PTK2: variants seen among roughly 807,000 people sequenced by gnomAD.
PTK2 encodes protein tyrosine kinase 2.
A neutral mutation model predicts 150.1 loss-of-function variants in PTK2; 45 were observed. The observed-to-expected ratio is 0.30, with a 90% CI of 0.24 to 0.38. PTK2 has a LOEUF of 0.38. Ranked by LOEUF, PTK2 falls within the 10% of genes least tolerant of loss-of-function variation. The pLI is 1.00. For synonymous variants in PTK2, 432 were observed against 449.2 expected, an observed-to-expected ratio of 0.96 and a Z score of 0.48; for missense variants, 919 against 1,307.3, an observed-to-expected ratio of 0.70 and a Z score of 4.58.
intron 22 of PTK2, among the ~76,000 whole-genome samples, chr8:140,722,402 A>C (rs1010809267): frequency 2.6e-5 from 4 of 152,068 alleles, no homozygotes; most frequent in African/African-American, 9.7e-5. Context: ...CTACAGGTGC[A>C]TCACCAGGCC....
chr8:140,971,125 C>T, intron 1 of PTK2, among the ~76,000 whole-genome samples: 1 of 152,080 alleles, frequency 6.6e-6, no homozygotes, highest in South Asian at 2.1e-4. Context: ...TGTGGAACTA[C>T]AAATAATATT....
chr8:140,867,397 T>TA (rs985148670), intron 4 of PTK2, among the ~76,000 whole-genome samples: 16 of 152,152 alleles, frequency 1.1e-4, no homozygotes, highest in African/African-American at 3.6e-4. Context: ...TATTTAGAGG[T>TA]AGGCATGGGA....
At chr8:140,834,104 C>G (rs1385112069) in intron 7 of PTK2, among the ~76,000 whole-genome samples, 3 of 152,216 alleles carry the variant, frequency 2.0e-5, no homozygotes, top group African/African-American at 4.8e-5. Context: ...GGGGCAGTCA[C>G]AGAACAGTTC....
intron 1 of PTK2, among the ~76,000 whole-genome samples, chr8:140,937,779 T>TTCCATA (rs1251951852): frequency 6.6e-6 from 1 of 152,152 alleles, no homozygotes; most frequent in Non-Finnish European, 1.5e-5. Flanking sequence ...AATGTAATCT[T>TTCCATA]TCCATATAGA....
chr8:140,791,009 T>C (rs571378169), intron 13 of PTK2, among the ~76,000 whole-genome samples: 1 of 152,374 alleles, frequency 6.6e-6, no homozygotes, highest in Admixed American at 6.5e-5. Flanking sequence ...AGCTCTTATC[T>C]GATCAACAGC....
chr8:140,971,890 C>T (rs2100187391), intron 1 of PTK2, among the ~76,000 whole-genome samples: 1 of 152,176 alleles, frequency 6.6e-6, no homozygotes, highest in African/African-American at 2.4e-5. Context: ...AATTGAGGTG[C>T]TTCCATCTAA....
At chr8:140,736,749 TC>T (rs1279016270) in intron 21 of PTK2, among the ~76,000 whole-genome samples, 1 of 152,168 alleles carries the variant, frequency 6.6e-6, no homozygotes, top group Non-Finnish European at 1.5e-5. Context: ...CCTCACAAGC[TC>T]TCTTCTTTGT....
chr8:140,681,113 C>T (rs1377964432), intron 27 of PTK2, among the ~76,000 whole-genome samples: 14 of 152,074 alleles, frequency 9.2e-5, no homozygotes. Context: ...GCCTGTAATC[C>T]CAGCACTTTG....
chr8:140,764,342 G>T (rs1252092213), intron 14 of PTK2, 52 bp from the exon 17 acceptor site: 1 of 1,325,944 alleles, frequency 7.5e-7, no homozygotes, highest in Non-Finnish European at 1.1e-6. Flanking sequence ...CTGACCTCCT[G>T]GTATTTCATA....
chr8:140,834,976 C>T (rs887320619), intron 7 of PTK2, among the ~76,000 whole-genome samples: 1 of 152,208 alleles, frequency 6.6e-6, no homozygotes, highest in African/African-American at 2.4e-5. Flanking sequence ...GATGACTATG[C>T]ACCTCCTCAT....
chr8:140,775,921 G>A (rs2100078137), intron 14 of PTK2, among the ~76,000 whole-genome samples: 2 of 151,982 alleles, frequency 1.3e-5, no homozygotes, highest in East Asian at 1.9e-4. Flanking sequence ...GGGTATCTTC[G>A]CCCCTGCACC....
Position 140,743,115 on chromosome 8 carries a change from T to C in PTK2, c.1735+115A>G, listed in dbSNP as rs1008487297. 4.3e-6 allele frequency: 3 copies of C among 704,096 alleles called. No homozygotes were observed. The East Asian group carries it at 8.2e-5, about 19-fold the overall frequency. 43.6% of individuals were successfully genotyped at this position (704,096 alleles called of 1,614,324 possible). On this transcript the variant is annotated intron_variant, in intron 20 of 31. Coordinates refer to ENST00000522684, the Ensembl canonical transcript of PTK2. ...GCTGAGAAGGCTGTCGCTTCCTCCA[T>C]TTAGTTGATTTTATATCTCTGTCAA... is the stretch of plus-strand genomic sequence containing the variant.
chr8:140,700,767 T>G, intron 26 of PTK2, 124 bp downstream of exon 29: 4 of 1,334,882 alleles, frequency 3.0e-6, no homozygotes, highest in Non-Finnish European at 4.1e-6. Context: ...CTATTCCAAG[T>G]TTTAAGAAGT....
At chr8:140,950,734 G>A (rs1277748501) in intron 1 of PTK2, among the ~76,000 whole-genome samples, 1 of 152,142 alleles carries the variant, frequency 6.6e-6, no homozygotes, top group East Asian at 1.9e-4. Context: ...TAGGTTTTGG[G>A]GAGTCAAAAG....
At chr8:140,893,740 T>C (rs2100155008) in intron 2 of PTK2, among the ~76,000 whole-genome samples, 1 of 152,136 alleles carries the variant, frequency 6.6e-6, no homozygotes, top group South Asian at 2.1e-4. Flanking sequence ...AAACACTCAA[T>C]TGCACACTTT....
At chr8:140,759,799 C>T (rs932021475) in intron 16 of PTK2, among the ~76,000 whole-genome samples, 2 of 151,886 alleles carry the variant, frequency 1.3e-5, no homozygotes, top group Non-Finnish European at 2.9e-5. Flanking sequence ...GCCATGATTG[C>T]GTCACTGCAC....
intron 27 of PTK2, among the ~76,000 whole-genome samples, chr8:140,676,936 T>A (rs1589563193): frequency 2.8e-5 from 2 of 71,586 alleles, no homozygotes; most frequent in East Asian, 3.3e-4. Flanking sequence ...AGAGGGAGAC[T>A]CCATCTCAAA....
At chr8:140,723,916 C>T (rs1647638951) in intron 22 of PTK2, among the ~76,000 whole-genome samples, 1 of 152,218 alleles carries the variant, frequency 6.6e-6, no homozygotes, top group Admixed American at 6.5e-5. Flanking sequence ...GATCAGTTCA[C>T]AGTAAAAGGA....
chr8:140,698,875 G>A (rs991000554), intron 26 of PTK2, among the ~76,000 whole-genome samples: 6 of 150,812 alleles, frequency 4.0e-5, no homozygotes, highest in East Asian at 3.9e-4. Flanking sequence ...TCAGCCTCCC[G>A]AAGTGCTGGG....
Sources: gnomAD v4.1 joint callset for allele counts (sites outside exome capture counted in the v4.1 genomes callset) on GRCh38, gnomAD v4.1.1 for gene constraint, MANE v1.5 for transcripts, NCBI Gene and HGNC (gene_info 2026-07-23, HGNC 2026-07-21) for gene names.